The following LSG1 variants were observed in gnomAD, a reference collection of about 807,000 sequenced individuals.
The protein encoded by LSG1 is large subunit GTPase 1 homolog.
A neutral mutation model predicts 82.6 loss-of-function variants in LSG1; 55 were observed. That is an observed-to-expected ratio of 0.67 (90% confidence interval 0.54 to 0.83). The LOEUF (loss-of-function observed/expected upper bound fraction) is 0.83, where lower values mean the gene tolerates loss of function less well. Among genes scored for constraint, LSG1 ranks in the 40% least tolerant of loss-of-function variants. The pLI is 0.00. For missense variants in LSG1, 809 were observed against 807.9 expected (o/e 1.00, Z -0.02); for synonymous variants, 272 against 282.5 (o/e 0.96, Z 0.37).
intron 10 of LSG1, 113 bp from the exon 11 acceptor site, chr3:194,648,917 T>C (rs1718613480): frequency 1.9e-6 from 2 of 1,039,326 alleles, no homozygotes; most frequent in East Asian, 2.5e-5. Flanking sequence ...CACTCTCTCC[T>C]CTCCAAAGGA....
chr3:194,647,861 T>C (rs1718585214), intron 11 of LSG1, among the ~76,000 whole-genome samples: 1 of 150,218 alleles, frequency 6.7e-6, no homozygotes, highest in African/African-American at 2.4e-5. Context: ...TCTTTTCTTG[T>C]TCTATGAATC....
intron 2 of LSG1, among the ~76,000 whole-genome samples, chr3:194,667,060 T>C (rs955298947): frequency 7.8e-6 from 1 of 128,034 alleles, no homozygotes; most frequent in Admixed American, 8.3e-5. Context: ...AAACTTGCTT[T>C]CTTTGTCTTC....
chr3:194,666,357 C>T (rs1719029625), intron 3 of LSG1, 68 bp from the exon 4 acceptor site: 7 of 1,596,446 alleles, frequency 4.4e-6, no homozygotes, highest in Non-Finnish European at 6.0e-6. Flanking sequence ...TAATTTGGAT[C>T]TAATAATGGC....
At chr3:194,645,583 C>CAG (rs1560219878) in intron 12 of LSG1, among the ~76,000 whole-genome samples, 9 of 68,384 alleles carry the variant, frequency 1.3e-4, no homozygotes, top group Admixed American at 5.0e-4. Context: ...CAGACACACA[C>CAG]ACACACACAC....
chr3:194,660,261 G>A (rs1718898859), intron 5 of LSG1, 128 bp from the exon 6 acceptor site: 2 of 737,868 alleles, frequency 2.7e-6, no homozygotes, highest in South Asian at 1.6e-5. Flanking sequence ...ACTTTTTAAG[G>A]TATAATTATT....
Position 194,649,521 on chromosome 3 carries a change from CAAAA to C in LSG1, c.1420-721_1420-718del, listed in dbSNP as rs558856677. 8.2e-5 allele frequency among the ~76,000 whole-genome samples: 10 copies of C among 121,734 alleles called. 1 individual carries two copies. Among genetic ancestry groups the C allele is most frequent in the Admixed American group, 7.4e-4 (9 of 12,152 alleles). The allele number at this position is 121,734 out of a possible 152,430, so 79.9% of individuals were successfully genotyped here. On this transcript the variant is annotated intron_variant, in intron 10 of 13. Coordinates refer to ENST00000265245, the MANE Select transcript of LSG1 (RefSeq NM_018385.3). ...CAACATGGTGAAACCCCATCTCTAC[CAAAA>C]AAAAAAAAAAAAAATTAACTGGGCA...
intron 1 of LSG1, among the ~76,000 whole-genome samples, chr3:194,671,496 C>A (rs1261923269): frequency 3.9e-5 from 6 of 152,082 alleles, no homozygotes; most frequent in African/African-American, 1.2e-4. Flanking sequence ...GTGAAAATAA[C>A]GACTAGAATG....
At chr3:194,651,721 CTCAG>C (rs1718679079) in intron 8 of LSG1, 1 of 153,532 alleles carries the variant, frequency 6.5e-6, no homozygotes, top group Non-Finnish European at 1.4e-5. Flanking sequence ...AGGGAGGATG[CTCAG>C]TTTTTCCATA....
Position 194,665,544 on chromosome 3 carries a change from AATG to A in LSG1, c.521+10_521+12del. On this transcript the variant is annotated intron_variant, in intron 5 of 13. Transcript: ENST00000265245. ...ACAATGTCTTTATTACACAAAAGAA[AATG>A]ATAATTCACCTTCTCTCAATGACTC... 4.4e-6 allele frequency: 7 copies of A among 1,595,364 alleles called. No individual in the cohort carries two copies. The highest frequency in any genetic ancestry group is 6.0e-6 in the Non-Finnish European group (7 of 1,169,656).
In LSG1 at chr3:194,645,583, C is replaced by CACACACACAG. The variant is rs1560219875; in HGVS notation, c.1623+580_1623+581insCTGTGTGTGT. On this transcript the variant is annotated intron_variant, in intron 12 of 13. Transcript: ENST00000265245. ...ACACACACACACAGACAGACACACA[C>CACACACACAG]ACACACACACACACACACACACACA... Among the ~76,000 whole-genome samples, 4 of 68,386 alleles carry CACACACACAG rather than the reference C, an allele frequency of 5.8e-5. 1 individual carries two copies. Among genetic ancestry groups the CACACACACAG allele is most frequent in the African/African-American group, 2.1e-4 (4 of 18,720 alleles). The allele number at this position is 68,386 out of a possible 152,430, so 44.9% of individuals were successfully genotyped here.
At chr3:194,665,496 G>T (rs2108621647) in intron 5 of LSG1, 61 bp downstream of exon 5, 2 of 1,263,306 alleles carry the variant, frequency 1.6e-6, no homozygotes, top group Non-Finnish European at 2.3e-6. Context: ...TATATCAACA[G>T]CCAAATCGAA....
At chr3:194,649,190 CAT>C (rs1243689756) in intron 10 of LSG1, among the ~76,000 whole-genome samples, 1 of 152,114 alleles carries the variant, frequency 6.6e-6, no homozygotes, top group Non-Finnish European at 1.5e-5. Flanking sequence ...TCTCATCTCC[CAT>C]AGTTTGTCCA....
At chr3:194,653,305 A>G (rs1443683680) in intron 7 of LSG1, among the ~76,000 whole-genome samples, 163 bp from the exon 8 acceptor site, 1 of 152,024 alleles carries the variant, frequency 6.6e-6, no homozygotes, top group African/African-American at 2.4e-5. Context: ...ATTTGAGGTC[A>G]GGAGTTTGAG....
intron 2 of LSG1, among the ~76,000 whole-genome samples, chr3:194,667,942 A>AAAAAAAAAAAAAT (rs1416407494): frequency 5.7e-5 from 5 of 86,966 alleles, no homozygotes; most frequent in Non-Finnish European, 8.2e-5. Context: ...AAAAAAAAAA[A>AAAAAAAAAAAAAT]ATATATATAT....
intron 7 of LSG1, 142 bp from the exon 8 acceptor site, chr3:194,653,284 G>A: frequency 1.3e-6 from 1 of 781,572 alleles, no homozygotes; most frequent in Non-Finnish European, 2.0e-6. Flanking sequence ...GGAGGCCAAG[G>A]TGCGCAGATC....
chr3:194,647,557 T>C (rs1184220488), intron 11 of LSG1, among the ~76,000 whole-genome samples: 1 of 152,258 alleles, frequency 6.6e-6, no homozygotes, highest in Non-Finnish European at 1.5e-5. Context: ...TTAGAAATTG[T>C]ACGTGTGGTC....
At chr3:194,650,548 AT>A (rs891961436) in intron 10 of LSG1, among the ~76,000 whole-genome samples, 1 of 152,208 alleles carries the variant, frequency 6.6e-6, no homozygotes, top group African/African-American at 2.4e-5. Flanking sequence ...CGTGAGATAG[AT>A]TTTCCCCCAC....
intron 1 of LSG1, 86 bp downstream of exon 1, chr3:194,671,978 G>T (rs1347464775): frequency 3.1e-6 from 4 of 1,298,628 alleles, no homozygotes; most frequent in Admixed American, 1.8e-5. Context: ...CGTCCCTCCT[G>T]CAAAACTTAT....
chr3:194,644,458 G>A (rs1577250037), intron 13 of LSG1, 115 bp downstream of exon 13: 2 of 439,750 alleles, frequency 4.5e-6, no homozygotes, highest in African/African-American at 2.0e-5. Flanking sequence ...ACCCTTTTTG[G>A]AATTATTAAA....
Sources: allele counts gnomAD v4.1 joint callset (sites outside exome capture counted in the v4.1 genomes callset), GRCh38; gene constraint gnomAD v4.1.1; transcripts MANE v1.5; gene names NCBI Gene and HGNC (gene_info 2026-07-23, HGNC 2026-07-21).